Variants in CIMAP3 observed in about 807,000 individuals in gnomAD.
The protein encoded by CIMAP3 is ciliary microtubule associated protein 3.
the CIMAP3 span, among the ~76,000 whole-genome samples, chr1:111,325,881 G>A: frequency 6.6e-6 from 1 of 152,044 alleles, no homozygotes. Context: ...ACCAGTATTA[G>A]GAGAACTAAT....
At chr1:111,351,295 C>G in the CIMAP3 span, 4 of 1,592,282 alleles carry the variant, frequency 2.5e-6, no homozygotes, top group Non-Finnish European at 3.4e-6. Context: ...GCATCGGAAC[C>G]GTGTGGCCTA....
the CIMAP3 span, among the ~76,000 whole-genome samples, chr1:111,350,781 C>A: frequency 6.6e-5 from 10 of 152,158 alleles, no homozygotes; most frequent in Non-Finnish European, 1.5e-4. Context: ...TAGAATCAAT[C>A]CGATAAGGTT....
the CIMAP3 span, among the ~76,000 whole-genome samples, chr1:111,326,296 C>T: frequency 6.6e-6 from 1 of 152,056 alleles, no homozygotes; most frequent in Non-Finnish European, 1.5e-5. Context: ...CTCTTCATCC[C>T]CCACCACCCA....
the CIMAP3 span, chr1:111,347,905 A>G: frequency 1.6e-6 from 1 of 640,124 alleles, no homozygotes; most frequent in Non-Finnish European, 2.8e-6. Flanking sequence ...CATTTAAGCA[A>G]AAGCTATTAA....
At chr1:111,350,151 C>G in the CIMAP3 span, 1 of 1,614,076 alleles carries the variant, frequency 6.2e-7, no homozygotes, top group South Asian at 1.1e-5. Flanking sequence ...CAAAAATTGC[C>G]TGGCCAATGA....
the CIMAP3 span, chr1:111,347,658 A>G: frequency 8.0e-7 from 1 of 1,253,200 alleles, no homozygotes; most frequent in Non-Finnish European, 1.0e-6. Flanking sequence ...TTTGTTTTTT[A>G]ATATACCACC....
the CIMAP3 span, chr1:111,346,751 G>A: frequency 4.5e-6 from 7 of 1,562,954 alleles, no homozygotes; most frequent in Non-Finnish European, 5.3e-6. Flanking sequence ...CGAAGTGGGA[G>A]GAAGTGCAGT....
the CIMAP3 span, among the ~76,000 whole-genome samples, chr1:111,344,206 A>G: frequency 6.6e-6 from 1 of 152,246 alleles, no homozygotes; most frequent in Non-Finnish European, 1.5e-5. Context: ...ATAGAAGTGG[A>G]TCACTTTAAT....
the CIMAP3 span, chr1:111,350,266 AG>A: frequency 6.7e-7 from 1 of 1,487,392 alleles, no homozygotes; most frequent in South Asian, 1.1e-5. Context: ...TATTCGATCT[AG>A]TACTTTCATA....
chr1:111,351,205 G>A, the CIMAP3 span: 6 of 902,246 alleles, frequency 6.7e-6, no homozygotes, highest in Non-Finnish European at 8.7e-6. Flanking sequence ...GGGAAGACCA[G>A]AGGCAGAGGG....
At chr1:111,347,739 C>T in the CIMAP3 span, 3 of 1,613,056 alleles carry the variant, frequency 1.9e-6, no homozygotes, top group Admixed American at 5.0e-5. Context: ...CTTTGGGAGC[C>T]AGAACAGCTG....
chr1:111,336,321 C>A, the CIMAP3 span, among the ~76,000 whole-genome samples: 1 of 152,166 alleles, frequency 6.6e-6, no homozygotes, highest in African/African-American at 2.4e-5. Flanking sequence ...AACGCAGTTC[C>A]TCACCAGCAA....
the CIMAP3 span, chr1:111,346,662 A>G: frequency 6.2e-7 from 1 of 1,614,008 alleles, no homozygotes; most frequent in African/African-American, 1.3e-5. Flanking sequence ...GATGTGCTTC[A>G]GCAGAGCAGG....
the CIMAP3 span, chr1:111,346,584 G>A: frequency 1.9e-6 from 3 of 1,607,572 alleles, no homozygotes; most frequent in Non-Finnish European, 2.6e-6. Flanking sequence ...CTCCGCAGCT[G>A]GGAATCACGG....
chr1:111,337,003 C>T, the CIMAP3 span, among the ~76,000 whole-genome samples: 1 of 152,112 alleles, frequency 6.6e-6, no homozygotes, highest in South Asian at 2.1e-4. Context: ...GATCTCTCAG[C>T]AGAAACTCTA....
At chr1:111,327,947 A>G in the CIMAP3 span, among the ~76,000 whole-genome samples, 7 of 151,882 alleles carry the variant, frequency 4.6e-5, no homozygotes, top group Non-Finnish European at 4.4e-5. Context: ...AAGTTAGGTT[A>G]ATTTGAGATC....
chr1:111,335,078 A>T, the CIMAP3 span, among the ~76,000 whole-genome samples: 1 of 128,586 alleles, frequency 7.8e-6, no homozygotes, highest in Admixed American at 8.8e-5. Context: ...CAGTGAGCTG[A>T]GATTGGGTCA....
At chr1:111,347,627 T>C in the CIMAP3 span, 14 of 1,183,906 alleles carry the variant, frequency 1.2e-5, no homozygotes, top group South Asian at 2.8e-5. Context: ...TCTTTCTTTT[T>C]TTTTTTTTTT....
the CIMAP3 span, among the ~76,000 whole-genome samples, chr1:111,339,249 T>C: frequency 0.045 from 6,867 of 151,480 alleles, 373 homozygotes; most frequent in African/African-American, 0.11. Context: ...GCCAATGTCA[T>C]ACTGAATGGG....
Sources: gnomAD v4.1 joint callset for allele counts (sites outside exome capture counted in the v4.1 genomes callset) on GRCh38, gnomAD v4.1.1 for gene constraint, MANE v1.5 for transcripts, NCBI Gene and HGNC (gene_info 2026-07-23, HGNC 2026-07-21) for gene names.